LHFPL6: variants seen among roughly 807,000 people sequenced by gnomAD.
The protein encoded by LHFPL6 is LHFPL tetraspan subfamily member 6 protein.
Under a neutral mutation model 20.6 loss-of-function variants are expected in LHFPL6, and 9 were observed. That is an observed-to-expected ratio of 0.44 (90% CI 0.26 to 0.76). The LOEUF (loss-of-function observed/expected upper bound fraction) is 0.76. Among genes scored for constraint, LHFPL6 ranks in the 30% least tolerant of loss-of-function variants. The pLI, the probability that LHFPL6 is intolerant of heterozygous loss-of-function variation, is 0.20. For missense variants in LHFPL6, 218 were observed against 253.5 expected (o/e 0.86, Z 0.95); for synonymous variants, 105 against 98.7 (o/e 1.06, Z -0.38).
intron 2 of LHFPL6, among the ~76,000 whole-genome samples, chr13:39,461,497 A>G (rs1872687147): frequency 6.6e-6 from 1 of 152,192 alleles, no homozygotes; most frequent in African/African-American, 2.4e-5. Flanking sequence ...TGCTACATTC[A>G]CAAGGGCAGG....
At chr13:39,559,380 C>T (rs925605601) in intron 2 of LHFPL6, among the ~76,000 whole-genome samples, 3 of 152,160 alleles carry the variant, frequency 2.0e-5, no homozygotes, top group Admixed American at 1.3e-4. Context: ...AAGCATGATG[C>T]GGAGGCAGAC....
chr13:39,381,562 C>T (rs755982499), intron 2 of LHFPL6, among the ~76,000 whole-genome samples: 3 of 152,118 alleles, frequency 2.0e-5, no homozygotes, highest in Non-Finnish European at 2.9e-5. Context: ...CAGGCTGGAA[C>T]CCCATGGCAG....
chr13:39,417,979 G>T (rs1465243889), intron 2 of LHFPL6, among the ~76,000 whole-genome samples: 1 of 152,086 alleles, frequency 6.6e-6, no homozygotes, highest in Non-Finnish European at 1.5e-5. Flanking sequence ...TTAGTCTTGT[G>T]TCCTAGCACC....
At chr13:39,544,274 A>G (rs1227182173) in intron 2 of LHFPL6, among the ~76,000 whole-genome samples, 1 of 152,176 alleles carries the variant, frequency 6.6e-6, no homozygotes, top group Non-Finnish European at 1.5e-5. Flanking sequence ...TGGCTAGTAC[A>G]TTTTGCCGCT....
At position 39,549,269 on chromosome 13, in the gene LHFPL6, A is replaced by G. The variant is rs181183083; in HGVS notation, c.385+51563T>C. Among the ~76,000 whole-genome samples the G allele has an allele frequency of 3.8e-3, 577 of 152,300 alleles. 1 individual carries two copies. The highest frequency in any genetic ancestry group is 6.2e-3 in the Non-Finnish European group (422 of 68,018). On this transcript the variant is annotated intron_variant, in intron 2 of 3. Coordinates refer to ENST00000379589, the MANE Select transcript of LHFPL6 (RefSeq NM_005780.3). Reference sequence around the variant, plus strand: ...TGAAAGGACAGTTTTTACAACAAATAATGTTGGAACAATCGTACATCCATA... The same window carrying G: ...TGAAAGGACAGTTTTTACAACAAATGATGTTGGAACAATCGTACATCCATA...
chr13:39,515,179 A>G (rs1399170195), intron 2 of LHFPL6, among the ~76,000 whole-genome samples: 3 of 152,166 alleles, frequency 2.0e-5, no homozygotes, highest in Non-Finnish European at 4.4e-5. Flanking sequence ...ATTTCTGACA[A>G]GACACTGTCC....
At chr13:39,466,169 C>T (rs1303538171) in intron 2 of LHFPL6, among the ~76,000 whole-genome samples, 3 of 152,136 alleles carry the variant, frequency 2.0e-5, no homozygotes, top group African/African-American at 7.2e-5. Context: ...TTTAGTAAAT[C>T]TTAAAAACGT....
intron 3 of LHFPL6, among the ~76,000 whole-genome samples, chr13:39,350,768 T>A (rs1480025786): frequency 6.6e-6 from 1 of 152,164 alleles, no homozygotes; most frequent in East Asian, 1.9e-4. Flanking sequence ...TAGAGGTTAA[T>A]GGGACAGAAA....
At chr13:39,545,906 G>A (rs1870967907) in intron 2 of LHFPL6, among the ~76,000 whole-genome samples, 1 of 151,990 alleles carries the variant, frequency 6.6e-6, no homozygotes, top group South Asian at 2.1e-4. Context: ...CTGCTTCTCT[G>A]CAAACAAACA....
At chr13:39,443,247 T>C (rs968336163) in intron 2 of LHFPL6, among the ~76,000 whole-genome samples, 1 of 152,194 alleles carries the variant, frequency 6.6e-6, no homozygotes, top group Non-Finnish European at 1.5e-5. Context: ...ATGCACTCTT[T>C]TGCCCTCCTG....
intron 2 of LHFPL6, among the ~76,000 whole-genome samples, chr13:39,573,994 A>G (rs1213021959): frequency 2.6e-5 from 4 of 152,166 alleles, no homozygotes; most frequent in Non-Finnish European, 4.4e-5. Context: ...GAAAGTATAT[A>G]GCTTCACTAT....
At chr13:39,390,466 C>G (rs1282967800) in intron 2 of LHFPL6, among the ~76,000 whole-genome samples, 1 of 151,978 alleles carries the variant, frequency 6.6e-6, no homozygotes, top group Non-Finnish European at 1.5e-5. Flanking sequence ...CCATTGCACT[C>G]CAGCCTGGGA....
At position 39,452,919 on chromosome 13, in the gene LHFPL6, T is replaced by A. The variant is rs113181195; in HGVS notation, c.386-74393A>T. Among the ~76,000 whole-genome samples the A allele has an allele frequency of 5.9e-3, 897 of 152,338 alleles. 6 individuals are homozygous for A. The highest frequency in any genetic ancestry group is 0.02 in the African/African-American group (830 of 41,570). On this transcript the variant is annotated intron_variant, in intron 2 of 3. Coordinates refer to ENST00000379589, the MANE Select transcript of LHFPL6 (RefSeq NM_005780.3). ...CTGTACCATCCTCTGGTTTTGTCCA[T>A]CTGTCTCAGTTTCCTTCCCCCAGAG...
chr13:39,421,405 G>A (rs1871481129), intron 2 of LHFPL6, among the ~76,000 whole-genome samples: 1 of 152,102 alleles, frequency 6.6e-6, no homozygotes, highest in Non-Finnish European at 1.5e-5. Context: ...CACACATACT[G>A]TGATGAAATA....
chr13:39,419,336 G>T (rs1871424972), intron 2 of LHFPL6, among the ~76,000 whole-genome samples: 1 of 152,194 alleles, frequency 6.6e-6, no homozygotes, highest in Non-Finnish European at 1.5e-5. Context: ...TCACTAATGT[G>T]ATCACAGTGC....
rs181080283 is a variant in LHFPL6, at chr13:39,392,730, A to G, written c.386-14204T>C. On this transcript the variant is annotated intron_variant, in intron 2 of 3. Coordinates refer to ENST00000379589, the MANE Select transcript of LHFPL6 (RefSeq NM_005780.3). ...TCTCAATATGAATTTTCCACAAACA[A>G]AAACCTGAATACCAGTTGTATACCC... is the stretch of plus-strand genomic sequence containing the variant. Among the ~76,000 whole-genome samples the G allele has an allele frequency of 4.2e-3, 639 of 152,228 alleles. 4 individuals carry two copies. Among genetic ancestry groups the G allele is most frequent in the African/African-American group, 0.014 (601 of 41,528 alleles).
intron 2 of LHFPL6, among the ~76,000 whole-genome samples, chr13:39,570,684 T>C (rs1201470911): frequency 1.3e-5 from 2 of 152,266 alleles, no homozygotes; most frequent in African/African-American, 4.8e-5. Context: ...TAATCATGAT[T>C]ATAGCTCTGG....
chr13:39,506,773 G>A (rs1280270614), intron 2 of LHFPL6, among the ~76,000 whole-genome samples: 1 of 152,142 alleles, frequency 6.6e-6, no homozygotes, highest in Non-Finnish European at 1.5e-5. Context: ...ATAAGCTAAA[G>A]CTGAGGCAGC....
chr13:39,506,434 T>C (rs1209917171), intron 2 of LHFPL6, among the ~76,000 whole-genome samples: 1 of 152,216 alleles, frequency 6.6e-6, no homozygotes, highest in Non-Finnish European at 1.5e-5. Flanking sequence ...TTGAGTCCCA[T>C]GGGATTTCAC....
Sources: gnomAD v4.1 joint callset for allele counts (sites outside exome capture counted in the v4.1 genomes callset) on GRCh38, gnomAD v4.1.1 for gene constraint, MANE v1.5 for transcripts, NCBI Gene and HGNC (gene_info 2026-07-23, HGNC 2026-07-21) for gene names.